TNFRSF8: variants seen among roughly 807,000 people sequenced by gnomAD.
The protein encoded by TNFRSF8 is TNF receptor superfamily member 8.
Under a neutral mutation model 70.8 loss-of-function variants are expected in TNFRSF8, and 26 were observed. The observed-to-expected ratio is 0.37, with a 90% CI of 0.27 to 0.51. The LOEUF (loss-of-function observed/expected upper bound fraction) is 0.51, where lower values mean the gene tolerates loss of function less well. Ranked by LOEUF, TNFRSF8 falls within the 20% of genes least tolerant of loss-of-function variation. The probability of loss-of-function intolerance (pLI) is 0.94; values close to 1 mark genes in which losing one functional copy is unlikely to be tolerated. For synonymous variants in TNFRSF8, 356 were observed against 339.2 expected (o/e 1.05, Z -0.54); for missense variants, 720 against 807.9 (o/e 0.89, Z 1.32).
chr1:12,103,224 C>T (rs11569844), intron 3 of TNFRSF8, among the ~76,000 whole-genome samples: 8,723 of 151,800 alleles, frequency 0.057, 334 homozygotes, highest in Non-Finnish European at 0.08. Flanking sequence ...ATTAGTTGGG[C>T]GTGGTGGTGT....
At chr1:12,140,925 T>C (rs1402967776) in intron 14 of TNFRSF8, among the ~76,000 whole-genome samples, 1 of 151,882 alleles carries the variant, frequency 6.6e-6, no homozygotes, top group African/African-American at 2.4e-5. Flanking sequence ...CAGCCCTCTA[T>C]AGGGCTCCTA....
At chr1:12,122,910 C>T (rs183425509) in intron 8 of TNFRSF8, among the ~76,000 whole-genome samples, 79 of 152,022 alleles carry the variant, frequency 5.2e-4, no homozygotes, top group African/African-American at 1.9e-3. Flanking sequence ...CTCACTGCAG[C>T]CTCCACCTCC....
At chr1:12,104,569 T>C (rs1289369617) in intron 4 of TNFRSF8, 38 bp downstream of exon 4, 11 of 1,612,094 alleles carry the variant, frequency 6.8e-6, no homozygotes, top group Non-Finnish European at 9.3e-6. Flanking sequence ...CAGAGATCTA[T>C]GCTGTTGCTG....
At chr1:12,085,144 C>T (rs2100969258) in intron 2 of TNFRSF8, among the ~76,000 whole-genome samples, 1 of 152,074 alleles carries the variant, frequency 6.6e-6, no homozygotes, top group East Asian at 1.9e-4. Context: ...GAGTTTTGCT[C>T]TTGTTGCCCA....
intron 1 of TNFRSF8, among the ~76,000 whole-genome samples, chr1:12,076,660 C>T (rs913494944): frequency 2.6e-5 from 4 of 152,138 alleles, no homozygotes; most frequent in East Asian, 1.9e-4. Flanking sequence ...AAACTCAACT[C>T]GGCACCTGCT....
chr1:12,097,320 G>A, intron 3 of TNFRSF8, 103 bp downstream of exon 3: 2 of 799,606 alleles, frequency 2.5e-6, no homozygotes, highest in South Asian at 3.3e-5. Flanking sequence ...ATGATTTGAT[G>A]TCTGTTCTCT....
Position 12,110,222 on chromosome 1 carries a change from C to G in TNFRSF8, c.676+18C>G. 6.4e-7 allele frequency: 1 copy of G among 1,565,380 alleles called. No individual in the cohort carries two copies. Among genetic ancestry groups the G allele is most frequent in the Non-Finnish European group, 8.7e-7 (1 of 1,153,322 alleles). ...AGATCCAGGTAATTTCCCCATGAAG[C>G]TGTGGGTCGTCTCCCTGGGGTGCTC... On this transcript the variant is annotated intron_variant, in intron 6 of 14. Transcript: ENST00000263932. This position sits in a 1 kb window ranked among gnomAD's most constrained non-coding sequence, Gnocchi z 4.0.
Position 12,097,145 on chromosome 1 carries a change from A to C in TNFRSF8, c.196A>C (p.Arg66=), listed in dbSNP as rs140742107. ...QQCPQRPTDC[R]KQCEPDYYLD... ...GTGCCCACAGAGGCCTACTGACTGC[A>C]GGAAGCAGTGTGAGCCTGACTACTA... Residue 66 remains arginine (R), a synonymous_variant, in exon 3 of 15, where the codon AGG becomes CGG. Transcript: ENST00000263932. 1.2e-6 allele frequency: 2 copies of C among 1,614,102 alleles called. No individual in the cohort carries two copies. The highest frequency in any genetic ancestry group is 1.7e-6 in the Non-Finnish European group (2 of 1,179,980).
intron 1 of TNFRSF8, among the ~76,000 whole-genome samples, chr1:12,070,985 C>A (rs1640833170): frequency 6.6e-6 from 1 of 152,108 alleles, no homozygotes; most frequent in African/African-American, 2.4e-5. Flanking sequence ...TTAACCAAGC[C>A]CAAGACCCCC....
intron 7 of TNFRSF8, among the ~76,000 whole-genome samples, chr1:12,115,292 C>T (rs761924199): frequency 2.6e-5 from 4 of 152,214 alleles, no homozygotes; most frequent in African/African-American, 9.6e-5. Flanking sequence ...AAAGTTACCT[C>T]GGGTTGCTTG....
intron 13 of TNFRSF8, among the ~76,000 whole-genome samples, chr1:12,137,104 G>T (rs1274209120): frequency 6.6e-6 from 1 of 152,062 alleles, no homozygotes; most frequent in Non-Finnish European, 1.5e-5. Flanking sequence ...CTTAGCGAGT[G>T]AAGAATACTC....
intron 1 of TNFRSF8, among the ~76,000 whole-genome samples, chr1:12,065,171 C>T (rs1169940829): frequency 6.8e-6 from 1 of 147,574 alleles, no homozygotes; most frequent in Non-Finnish European, 1.5e-5. Context: ...CAACCTCTGC[C>T]TCCCGGATTC....
Position 12,135,054 on chromosome 1 carries a change from G to A in TNFRSF8, c.1310-534G>A, listed in dbSNP as rs11569931. On this transcript the variant is annotated intron_variant, in intron 12 of 14. Transcript: ENST00000263932. ...GTGGCAGCCAGGTGTGGTGGCTCAC[G>A]CCTGTAATCCCAGCACTTTGCAAGG... 9.9e-3 allele frequency among the ~76,000 whole-genome samples: 1,510 copies of A among 152,108 alleles called. 29 individuals are homozygous for A. The highest frequency in any genetic ancestry group is 0.032 in the African/African-American group (1,337 of 41,480).
At chr1:12,089,818 C>T (rs771100685) in intron 2 of TNFRSF8, among the ~76,000 whole-genome samples, 8 of 151,790 alleles carry the variant, frequency 5.3e-5, no homozygotes, top group East Asian at 1.9e-4. Context: ...TCCATCCATC[C>T]GTTCATCTAC....
intron 3 of TNFRSF8, among the ~76,000 whole-genome samples, chr1:12,103,008 C>T (rs1641450957): frequency 6.6e-6 from 1 of 152,068 alleles, no homozygotes; most frequent in Non-Finnish European, 1.5e-5. Context: ...TGTTTATTGG[C>T]CAGCTGTGTA....
intron 1 of TNFRSF8, among the ~76,000 whole-genome samples, chr1:12,083,144 A>G (rs1641094533): frequency 6.6e-6 from 1 of 152,258 alleles, no homozygotes. Context: ...CTAAACTTTT[A>G]AAAACTGATA....
In TNFRSF8 at chr1:12,063,660, A is replaced by G; in HGVS notation, c.62A>G (p.Gln21Arg). The change falls in exon 1 of 15, where the codon CAG becomes CGG. Residue 21 changes from glutamine (Q) to arginine (R), a missense_variant and splice_region_variant. Transcript: ENST00000263932. The surrounding 1 kb of genome is among the most constrained non-coding windows in gnomAD (Gnocchi z 7.2). ...LFLGALRAFP[Q>R]DRPFEDTCHG... is the part of the protein sequence containing the mutation. Reference sequence around the variant, plus strand: ...CTGGGGGCGCTACGAGCCTTCCCACAGGTAAGCGGGTGACGGGCGCCTGGG... The same window carrying G: ...CTGGGGGCGCTACGAGCCTTCCCACGGGTAAGCGGGTGACGGGCGCCTGGG... 1.6e-6 allele frequency: 2 copies of G among 1,275,540 alleles called. No individual in the cohort carries two copies. Among genetic ancestry groups the G allele is most frequent in the South Asian group, 2.9e-5 (1 of 34,646 alleles). The allele number at this position is 1,275,540 out of a possible 1,614,324, so 79.0% of individuals were successfully genotyped here. A position where few individuals can be genotyped will look rare whatever the true frequency, so the allele number is the denominator to read the frequency against.
chr1:12,065,064 C>G (rs139940558), intron 1 of TNFRSF8, among the ~76,000 whole-genome samples: 3 of 145,846 alleles, frequency 2.1e-5, no homozygotes, highest in Non-Finnish European at 3.0e-5. Context: ...ACAGCCTGAA[C>G]TCTCATACCA....
At chr1:12,111,429 G>A (rs980984470) in intron 6 of TNFRSF8, among the ~76,000 whole-genome samples, 3 of 151,928 alleles carry the variant, frequency 2.0e-5, no homozygotes, top group Non-Finnish European at 2.9e-5. Flanking sequence ...TAATCCACCC[G>A]CCTCAGCCTC....
Sources: gnomAD v4.1 joint callset for allele counts (sites outside exome capture counted in the v4.1 genomes callset) on GRCh38, gnomAD v4.1.1 for gene constraint, Gnocchi (gnomAD v3.1) non-coding constraint, MANE v1.5 for transcripts, NCBI Gene and HGNC (gene_info 2026-07-23, HGNC 2026-07-21) for gene names.